The following WDR70 variants were observed in gnomAD, a reference collection of about 807,000 sequenced individuals.
WDR70 encodes WD repeat domain 70.
In WDR70, 53 loss-of-function variants were observed where a neutral mutation model predicts 88.6. That is an observed-to-expected ratio of 0.60 (90% CI 0.48 to 0.75). The LOEUF (loss-of-function observed/expected upper bound fraction) is 0.75. Ranked by LOEUF, WDR70 falls within the 30% of genes least tolerant of loss-of-function variation. WDR70 has a pLI of 0.00. For synonymous variants in WDR70, 280 were observed against 270.0 expected, an observed-to-expected ratio of 1.04 and a Z score of -0.36; for missense variants, 610 against 823.2, an observed-to-expected ratio of 0.74 and a Z score of 3.17.
chr5:37,595,228 A>G (rs571705253), intron 9 of WDR70, among the ~76,000 whole-genome samples: 18 of 152,206 alleles, frequency 1.2e-4, no homozygotes, highest in Admixed American at 3.3e-4. Context: ...CAAAAATGCT[A>G]TTAGAACTAA....
chr5:37,521,694 G>C (rs1294000935), intron 9 of WDR70, among the ~76,000 whole-genome samples: 1 of 132,220 alleles, frequency 7.6e-6, no homozygotes, highest in African/African-American at 2.8e-5. Flanking sequence ...CTGAGTAGTA[G>C]TCCAAGTATA....
intron 5 of WDR70, among the ~76,000 whole-genome samples, chr5:37,413,349 C>CT (rs1313218268): frequency 1.3e-5 from 2 of 152,038 alleles, no homozygotes; most frequent in Non-Finnish European, 2.9e-5. Context: ...GGAATAATTA[C>CT]TTTTTTTTCT....
At chr5:37,389,292 C>CCTAT (rs538858219) in intron 3 of WDR70, among the ~76,000 whole-genome samples, 1 of 144,676 alleles carries the variant, frequency 6.9e-6, no homozygotes, top group African/African-American at 2.9e-5. Context: ...AGGGTTTCAC[C>CCTAT]TGTCGAGACC....
intron 17 of WDR70, among the ~76,000 whole-genome samples, chr5:37,749,206 C>G (rs1275230133): frequency 1.3e-5 from 2 of 152,130 alleles, no homozygotes; most frequent in African/African-American, 2.4e-5. Context: ...TGGAACTAAC[C>G]CAAATGCCCG....
At chr5:37,550,621 T>C (rs1202538363) in intron 9 of WDR70, among the ~76,000 whole-genome samples, 1 of 152,172 alleles carries the variant, frequency 6.6e-6, no homozygotes, top group Non-Finnish European at 1.5e-5. Context: ...TTTCAGTCTG[T>C]GTGTCTTTAT....
chr5:37,402,899 C>T (rs192157091), intron 5 of WDR70, among the ~76,000 whole-genome samples: 1 of 148,372 alleles, frequency 6.7e-6, no homozygotes, highest in Admixed American at 6.8e-5. Flanking sequence ...TCCATCCTTC[C>T]TTCCTTCCTT....
At chr5:37,525,292 G>C (rs1741231144) in intron 9 of WDR70, among the ~76,000 whole-genome samples, 1 of 152,292 alleles carries the variant, frequency 6.6e-6, no homozygotes, top group South Asian at 2.1e-4. Context: ...TCAGACCACA[G>C]TGCAATCAAA....
At chr5:37,541,802 A>G (rs1474324450) in intron 9 of WDR70, among the ~76,000 whole-genome samples, 1 of 152,242 alleles carries the variant, frequency 6.6e-6, no homozygotes, top group Admixed American at 6.5e-5. Context: ...AGAATTCCCA[A>G]TAGTTGGTAG....
At chr5:37,481,471 G>T (rs1409878120) in intron 8 of WDR70, among the ~76,000 whole-genome samples, 1 of 152,108 alleles carries the variant, frequency 6.6e-6, no homozygotes, top group African/African-American at 2.4e-5. Context: ...GAACCTGAAA[G>T]GTTTGGGACT....
chr5:37,441,320 C>A (rs1265421344), intron 6 of WDR70, among the ~76,000 whole-genome samples: 3 of 152,008 alleles, frequency 2.0e-5, no homozygotes, highest in Non-Finnish European at 4.4e-5. Context: ...TGTATATTTT[C>A]CTTGACATCT....
At chr5:37,625,194 GTATACT>G (rs1744628526) in intron 10 of WDR70, among the ~76,000 whole-genome samples, 1 of 152,090 alleles carries the variant, frequency 6.6e-6, no homozygotes, top group African/African-American at 2.4e-5. Context: ...CCTAAAAAAT[GTATACT>G]TAGTAGTAGC....
intron 3 of WDR70, among the ~76,000 whole-genome samples, chr5:37,386,238 G>A (rs1042192126): frequency 3.3e-5 from 5 of 152,178 alleles, no homozygotes; most frequent in African/African-American, 1.2e-4. Flanking sequence ...GTGAATGTTT[G>A]TACTATCACA....
At chr5:37,667,488 G>A (rs1208057572) in intron 10 of WDR70, among the ~76,000 whole-genome samples, 1 of 152,088 alleles carries the variant, frequency 6.6e-6, no homozygotes, top group African/African-American at 2.4e-5. Context: ...ATCACAGGAG[G>A]CCTTTAACTT....
chr5:37,639,304 C>T (rs1745047405), intron 10 of WDR70, among the ~76,000 whole-genome samples: 1 of 152,114 alleles, frequency 6.6e-6, no homozygotes, highest in Non-Finnish European at 1.5e-5. Context: ...AAATTATTAT[C>T]CATCTCTGAA....
chr5:37,488,202 C>CT (rs796850688), intron 8 of WDR70, among the ~76,000 whole-genome samples: 2,237 of 136,380 alleles, frequency 0.016, 45 homozygotes, highest in African/African-American at 0.052. Flanking sequence ...TGTGACTAGA[C>CT]TTTTTTTTTT....
chr5:37,729,155 C>T (rs897256163), intron 17 of WDR70, among the ~76,000 whole-genome samples: 1 of 152,114 alleles, frequency 6.6e-6, no homozygotes, highest in Non-Finnish European at 1.5e-5. Context: ...TTTCTGGCAC[C>T]ACAAGATGTT....
At chr5:37,570,717 T>A (rs581376) in intron 9 of WDR70, among the ~76,000 whole-genome samples, 118,757 of 152,090 alleles carry the variant, frequency 0.78, 47,106 homozygotes, top group African/African-American at 0.92. Context: ...AAGTAAAGTG[T>A]TGTCTGAAGA....
At chr5:37,506,556 G>T (rs1284055721) in intron 8 of WDR70, 2 of 772,516 alleles carry the variant, frequency 2.6e-6, no homozygotes, top group African/African-American at 1.7e-5. Flanking sequence ...CCGTGTAGTT[G>T]TAAAGTACCT....
intron 7 of WDR70, among the ~76,000 whole-genome samples, chr5:37,447,658 A>G (rs1450208416): frequency 6.6e-6 from 1 of 152,210 alleles, no homozygotes; most frequent in Non-Finnish European, 1.5e-5. Context: ...GAAGCTGGAA[A>G]CCATCATTCT....
Sources: allele counts gnomAD v4.1 joint callset (sites outside exome capture counted in the v4.1 genomes callset), GRCh38; gene constraint gnomAD v4.1.1; transcripts MANE v1.5; gene names NCBI Gene and HGNC (gene_info 2026-07-23, HGNC 2026-07-21).